The following ATXN7L1 variants were observed in gnomAD, a reference collection of about 807,000 sequenced individuals.
The protein encoded by ATXN7L1 is ataxin 7 like 1, also known as ataxin-7-like protein 1.
In ATXN7L1, 15 loss-of-function variants were observed where a neutral mutation model predicts 70.8. The observed-to-expected ratio is 0.21, with a 90% CI of 0.14 to 0.33. ATXN7L1 has a LOEUF of 0.33. Among genes scored for constraint, ATXN7L1 ranks in the 10% least tolerant of loss-of-function variants. The pLI, the probability that ATXN7L1 is intolerant of heterozygous loss-of-function variation, is 1.00. For missense variants in ATXN7L1, 975 were observed against 1,097.1 expected (o/e 0.89, Z 1.57); for synonymous variants, 440 against 445.1 (o/e 0.99, Z 0.14).
chr7:105,677,782 G>A (rs145390905), intron 3 of ATXN7L1, among the ~76,000 whole-genome samples: 1 of 152,272 alleles, frequency 6.6e-6, no homozygotes, highest in East Asian at 1.9e-4. Context: ...TCCTATGGGA[G>A]CACACTGTTT....
chr7:105,807,456 C>T (rs1807779842), intron 2 of ATXN7L1, among the ~76,000 whole-genome samples: 1 of 152,204 alleles, frequency 6.6e-6, no homozygotes, highest in Admixed American at 6.5e-5. Context: ...ACAGGACACA[C>T]CTTCTGACGC....
chr7:105,646,419 T>TTTTTG (rs372359432), intron 4 of ATXN7L1, among the ~76,000 whole-genome samples: 2 of 152,056 alleles, frequency 1.3e-5, no homozygotes, highest in Non-Finnish European at 2.9e-5. Context: ...GCCAGGTGTT[T>TTTTTG]TTTTGTTTTG....
intron 2 of ATXN7L1, among the ~76,000 whole-genome samples, chr7:105,870,306 A>G (rs1486905319): frequency 6.6e-6 from 1 of 151,774 alleles, no homozygotes; most frequent in Non-Finnish European, 1.5e-5. Flanking sequence ...AAAATTTGAT[A>G]TCCATAGAAA....
chr7:105,613,987 A>G lies in ATXN7L1; in HGVS notation c.2347T>C (p.Ser783Pro), dbSNP rs1165256482. 1 of 1,552,102 alleles carries G rather than the reference A, an allele frequency of 6.4e-7. No homozygotes were observed. The highest frequency in any genetic ancestry group is 1.4e-5 in the African/African-American group (1 of 73,044). Residue 783 changes from serine (S) to proline (P), a missense_variant, in exon 10 of 12, where the codon TCG becomes CCG. Coordinates refer to ENST00000419735, the MANE Select transcript of ATXN7L1 (RefSeq NM_020725.2). ...TTACAGGCTTTGCTACTAGAACTCGAGTTCTTACGCTTTTTTCCTTCTGAT... is the reference window on the plus strand; with the variant it reads ...TTACAGGCTTTGCTACTAGAACTCGGGTTCTTACGCTTTTTTCCTTCTGAT... ...DKSEGKKRKNSSSSSKACKIT... is the reference protein window; with the variant it reads ...DKSEGKKRKNPSSSSKACKIT...
chr7:105,866,339 G>T (rs1013950661), intron 2 of ATXN7L1, among the ~76,000 whole-genome samples: 3 of 152,108 alleles, frequency 2.0e-5, no homozygotes, highest in African/African-American at 7.2e-5. Flanking sequence ...GTATTTATTT[G>T]GTTTCCATTT....
At chr7:105,755,289 G>A (rs1037700551) in intron 3 of ATXN7L1, among the ~76,000 whole-genome samples, 1 of 152,162 alleles carries the variant, frequency 6.6e-6, no homozygotes. Context: ...ACACCACTAG[G>A]GTAGTCATTT....
intron 11 of ATXN7L1, 135 bp from the exon 12 acceptor site, chr7:105,608,025 G>A (rs1295724559): frequency 5.0e-6 from 4 of 794,338 alleles, no homozygotes; most frequent in South Asian, 1.6e-5. Context: ...CCAGCAAAGG[G>A]CAGCTGGAAT....
chr7:105,662,276 G>A (rs567064761), intron 4 of ATXN7L1, among the ~76,000 whole-genome samples: 1 of 151,680 alleles, frequency 6.6e-6, no homozygotes, highest in Non-Finnish European at 1.5e-5. Flanking sequence ...CTAATTTTTT[G>A]TATCTTTAGT....
At chr7:105,771,395 G>T (rs1002770999) in intron 3 of ATXN7L1, among the ~76,000 whole-genome samples, 1 of 152,070 alleles carries the variant, frequency 6.6e-6, no homozygotes, top group African/African-American at 2.4e-5. Context: ...TATGACAAAT[G>T]ACAAATCTGA....
intron 3 of ATXN7L1, among the ~76,000 whole-genome samples, chr7:105,751,953 T>A (rs1198352133): frequency 1.3e-5 from 2 of 152,202 alleles, no homozygotes; most frequent in Admixed American, 6.5e-5. Flanking sequence ...AAACCACCCA[T>A]ATCAGCTCTC....
At chr7:105,823,579 A>T (rs1810453796) in intron 2 of ATXN7L1, among the ~76,000 whole-genome samples, 1 of 152,100 alleles carries the variant, frequency 6.6e-6, no homozygotes, top group Admixed American at 6.5e-5. Flanking sequence ...AGTGCCTTGA[A>T]CCCACTTGGT....
intron 3 of ATXN7L1, among the ~76,000 whole-genome samples, chr7:105,696,634 A>G (rs891203644): frequency 2.0e-5 from 3 of 152,184 alleles, no homozygotes; most frequent in Non-Finnish European, 4.4e-5. Flanking sequence ...TAATGGAGAG[A>G]TGTGGAATAT....
intron 2 of ATXN7L1, among the ~76,000 whole-genome samples, chr7:105,871,665 A>T (rs1818288356): frequency 6.6e-6 from 1 of 151,610 alleles, no homozygotes; most frequent in Non-Finnish European, 1.5e-5. Flanking sequence ...AGCCAAGATC[A>T]TGCCATTGCA....
At chr7:105,849,533 C>G (rs1814568866) in intron 2 of ATXN7L1, among the ~76,000 whole-genome samples, 1 of 152,260 alleles carries the variant, frequency 6.6e-6, no homozygotes, top group African/African-American at 2.4e-5. Context: ...AGGAAGCTGC[C>G]TCTCTTACAG....
At chr7:105,828,743 T>C (rs1243634515) in intron 2 of ATXN7L1, among the ~76,000 whole-genome samples, 3 of 152,124 alleles carry the variant, frequency 2.0e-5, no homozygotes, top group South Asian at 2.1e-4. Flanking sequence ...CCACAGTTTG[T>C]TGGAGGCAGA....
intron 3 of ATXN7L1, among the ~76,000 whole-genome samples, chr7:105,740,862 T>TCAAGC (rs1278071256): frequency 6.7e-6 from 1 of 148,152 alleles, no homozygotes. Context: ...CCTCCCGGGT[T>TCAAGC]CAAGCCATTC....
At chr7:105,705,836 C>T (rs192716726) in intron 3 of ATXN7L1, among the ~76,000 whole-genome samples, 381 of 152,338 alleles carry the variant, frequency 2.5e-3, no homozygotes, top group Admixed American at 5.2e-3. Context: ...CCAGGTCTCA[C>T]CTGAAGCCCT....
At chr7:105,660,576 C>CTTTTTTTTT (rs34008024) in intron 4 of ATXN7L1, among the ~76,000 whole-genome samples, 20 of 78,156 alleles carry the variant, frequency 2.6e-4, no homozygotes, top group Admixed American at 3.9e-4. Flanking sequence ...CGGAAGTGAC[C>CTTTTTTTTT]TTTTTTTTTT....
intron 2 of ATXN7L1, among the ~76,000 whole-genome samples, chr7:105,873,486 C>A (rs1446082072): frequency 6.6e-6 from 1 of 152,166 alleles, no homozygotes; most frequent in African/African-American, 2.4e-5. Context: ...AAATAAACAC[C>A]CTGTCTCAGC....
Sources: gnomAD v4.1 joint callset for allele counts (sites outside exome capture counted in the v4.1 genomes callset) on GRCh38, gnomAD v4.1.1 for gene constraint, MANE v1.5 for transcripts, NCBI Gene and HGNC (gene_info 2026-07-23, HGNC 2026-07-21) for gene names.